Variants in RGS7 observed in about 807,000 individuals in gnomAD.
RGS7 encodes the protein regulator of G protein signaling 7.
In RGS7, 27 loss-of-function variants were observed where a neutral mutation model predicts 81.1. The ratio of observed to expected loss-of-function variants is 0.33; its 90% CI spans 0.25 to 0.46. The LOEUF is 0.46. RGS7 is among the 20% of genes least tolerant of loss of function. RGS7 has a pLI of 1.00. For synonymous variants in RGS7, 208 were observed against 207.7 expected (o/e 1.00, Z -0.01); for missense variants, 396 against 607.4 (o/e 0.65, Z 3.66).
At chr1:241,123,684 G>A (rs1389902639) in intron 2 of RGS7, among the ~76,000 whole-genome samples, 3 of 152,238 alleles carry the variant, frequency 2.0e-5, no homozygotes, top group Admixed American at 1.3e-4. Context: ...CCGGGAGGCG[G>A]AGGTGGTGGT....
At chr1:241,170,374 G>T (rs976232597) in intron 2 of RGS7, among the ~76,000 whole-genome samples, 24 of 152,004 alleles carry the variant, frequency 1.6e-4, no homozygotes, top group Admixed American at 2.0e-4. Context: ...AGTAAAATCT[G>T]CATGAATCAA....
Position 240,868,951 on chromosome 1 carries a change from G to T in RGS7, c.451-99C>A. 9.2e-7 allele frequency: 1 copy of T among 1,089,660 alleles called. No individual in the cohort carries two copies. Among genetic ancestry groups the T allele is most frequent in the Non-Finnish European group, 1.4e-6 (1 of 705,242 alleles). 67.5% of individuals were successfully genotyped at this position (1,089,660 alleles called of 1,614,324 possible). A position where few individuals can be genotyped will look rare whatever the true frequency, so the allele number is the denominator to read the frequency against. On this transcript the variant is annotated intron_variant, in intron 7 of 18. Transcript: ENST00000440928. This position sits in a 1 kb window ranked among gnomAD's most constrained non-coding sequence, Gnocchi z 5.1. Reference sequence around the variant, plus strand: ...TATTTGTCAAGGAAACAAATAGAGAGTTTCTAAAGCCCTAAGTGTACTGTG... The same window carrying T: ...TATTTGTCAAGGAAACAAATAGAGATTTTCTAAAGCCCTAAGTGTACTGTG...
intron 2 of RGS7, among the ~76,000 whole-genome samples, chr1:241,229,586 G>A (rs1335629015): frequency 1.3e-5 from 2 of 152,214 alleles, no homozygotes; most frequent in African/African-American, 4.8e-5. Context: ...TGAAGAGACA[G>A]AAATGGGGTT....
chr1:240,969,037 G>C (rs1020342448), intron 4 of RGS7, among the ~76,000 whole-genome samples: 4 of 152,058 alleles, frequency 2.6e-5, no homozygotes, highest in African/African-American at 9.7e-5. Context: ...GCCGCTTCTG[G>C]GTAACAGATA....
At chr1:241,139,949 T>C (rs1301702255) in intron 2 of RGS7, among the ~76,000 whole-genome samples, 2 of 152,232 alleles carry the variant, frequency 1.3e-5, no homozygotes, top group African/African-American at 2.4e-5. Context: ...TGGATTCTTT[T>C]AGAGAATGGC....
chr1:241,064,424 A>AAG (rs2061939270), intron 3 of RGS7, among the ~76,000 whole-genome samples: 2 of 98,262 alleles, frequency 2.0e-5, no homozygotes, highest in Admixed American at 2.0e-4. Context: ...AGTCTCTACC[A>AAG]AAAAAAAAAA....
intron 3 of RGS7, among the ~76,000 whole-genome samples, chr1:241,065,210 TA>T (rs1195208055): frequency 5.2e-5 from 1 of 19,098 alleles, no homozygotes; most frequent in East Asian, 8.6e-3. Context: ...ATCATAGAGA[TA>T]TATATATATT....
Position 241,177,297 on chromosome 1 carries a change from G to A in RGS7, c.79-78535C>T, listed in dbSNP as rs533250287. On this transcript the variant is annotated intron_variant, in intron 2 of 18. Transcript: ENST00000440928. ...GACGAGAAGAAGCCAGCGTGCAAAGGGCCAGGCAAGCACATCTGATGGAGA... is the reference window on the plus strand; with the variant it reads ...GACGAGAAGAAGCCAGCGTGCAAAGAGCCAGGCAAGCACATCTGATGGAGA... 7.9e-5 allele frequency among the ~76,000 whole-genome samples: 12 copies of A among 152,212 alleles called. No individual in the cohort carries two copies. In the South Asian group the frequency reaches 2.5e-3, roughly 32 times the overall value.
intron 4 of RGS7, among the ~76,000 whole-genome samples, chr1:240,941,256 A>G (rs1009654484): frequency 2.6e-5 from 4 of 152,240 alleles, no homozygotes; most frequent in Admixed American, 2.0e-4. Flanking sequence ...ATCTTCTCAC[A>G]ATGCTTACAA....
chr1:241,232,785 T>C (rs2075739583), intron 2 of RGS7, among the ~76,000 whole-genome samples: 1 of 152,178 alleles, frequency 6.6e-6, no homozygotes, highest in Non-Finnish European at 1.5e-5. Flanking sequence ...TGTGAACACG[T>C]AATGTCTCTC....
intron 2 of RGS7, among the ~76,000 whole-genome samples, chr1:241,168,861 T>G (rs2070490628): frequency 6.6e-6 from 1 of 152,066 alleles, no homozygotes; most frequent in Admixed American, 6.5e-5. Flanking sequence ...CTCTCTCCAT[T>G]GCTGGTTTGG....
At chr1:241,116,014 C>G (rs1221385132) in intron 2 of RGS7, among the ~76,000 whole-genome samples, 1 of 152,126 alleles carries the variant, frequency 6.6e-6, no homozygotes. Flanking sequence ...TCTCTTGCCA[C>G]CACGTGTGCT....
intron 3 of RGS7, among the ~76,000 whole-genome samples, chr1:241,079,236 A>AT (rs147318733): frequency 0.16 from 24,409 of 152,018 alleles, 2,031 homozygotes; most frequent in African/African-American, 0.19. Flanking sequence ...GGAAAGTGAA[A>AT]TTTTTGTGGA....
intron 4 of RGS7, among the ~76,000 whole-genome samples, chr1:240,976,909 T>G (rs1684176889): frequency 2.1e-5 from 1 of 46,714 alleles, no homozygotes; most frequent in South Asian, 2.6e-3. Context: ...ATCCATCTAT[T>G]ATCTTTCTAT....
intron 2 of RGS7, among the ~76,000 whole-genome samples, chr1:241,306,378 CACACCCTT>C (rs1024831439): frequency 2.0e-5 from 3 of 151,646 alleles, no homozygotes; most frequent in African/African-American, 4.8e-5. Context: ...CACACACGCA[CACACCCTT>C]ACACCCTTAC....
intron 3 of RGS7, among the ~76,000 whole-genome samples, chr1:240,993,517 T>C (rs1686831932): frequency 6.6e-6 from 1 of 152,192 alleles, no homozygotes; most frequent in South Asian, 2.1e-4. Flanking sequence ...TCCTTTTCTG[T>C]GAAACGTCTC....
intron 3 of RGS7, among the ~76,000 whole-genome samples, chr1:241,082,229 T>C (rs998665870): frequency 9.2e-5 from 14 of 152,148 alleles, no homozygotes; most frequent in African/African-American, 3.4e-4. Context: ...GCTGTGAAGG[T>C]TTTATTTTCC....
chr1:240,864,219 T>C (rs1403063752), intron 9 of RGS7, among the ~76,000 whole-genome samples: 1 of 152,170 alleles, frequency 6.6e-6, no homozygotes, highest in Non-Finnish European at 1.5e-5. Flanking sequence ...ATCTGGCACA[T>C]ACTGATATAG....
rs889181278 is a variant in RGS7, at chr1:241,355,638, G to A, written c.78+61C>T. On this transcript the variant is annotated intron_variant, in intron 2 of 18. Coordinates refer to ENST00000440928, the MANE Select transcript of RGS7 (RefSeq NM_001364886.1). Reference sequence around the variant, plus strand: ...GTTGATACATACTCTGATCTAGAGGGGGAAAAAAATCGAGAAAGCCGGAAG... The same window carrying A: ...GTTGATACATACTCTGATCTAGAGGAGGAAAAAAATCGAGAAAGCCGGAAG... 1.2e-5 allele frequency: 18 copies of A among 1,441,876 alleles called. 1 individual carries two copies. The South Asian group carries it at 2.1e-4, about 16-fold the overall frequency. 89.3% of individuals were successfully genotyped at this position (1,441,876 alleles called of 1,614,324 possible). A position where few individuals can be genotyped will look rare whatever the true frequency, so the allele number is the denominator to read the frequency against.
Sources: gnomAD v4.1 joint callset for allele counts (sites outside exome capture counted in the v4.1 genomes callset) on GRCh38, gnomAD v4.1.1 for gene constraint, Gnocchi (gnomAD v3.1) non-coding constraint, MANE v1.5 for transcripts, NCBI Gene and HGNC (gene_info 2026-07-23, HGNC 2026-07-21) for gene names.